Variants in C17orf78 observed in about 807,000 individuals in gnomAD.
C17orf78 encodes chromosome 17 open reading frame 78.
In C17orf78, 27 loss-of-function variants were observed where a neutral mutation model predicts 31.8. The observed-to-expected ratio is 0.85, with a 90% CI of 0.63 to 1.17. The LOEUF (loss-of-function observed/expected upper bound fraction) is 1.17, where lower values mean the gene tolerates loss of function less well. Among genes scored for constraint, C17orf78 ranks in the 50% most tolerant of loss-of-function variants. C17orf78 has a pLI of 0.00. For missense variants in C17orf78, 258 were observed against 315.2 expected, an observed-to-expected ratio of 0.82 and a Z score of 1.37; for synonymous variants, 106 against 115.1, an observed-to-expected ratio of 0.92 and a Z score of 0.51.
At position 37,377,694 on chromosome 17, in the gene C17orf78, TAAATAAATAAAA is replaced by T. The variant is rs1346508288; in HGVS notation, c.59-184_59-173del. 7.3e-5 allele frequency among the ~76,000 whole-genome samples: 11 copies of T among 150,802 alleles called. No homozygotes were observed. In the East Asian group the frequency reaches 2.1e-3, roughly 29 times the overall value. ...ATAAATAAATAAATAAATAAATAAA[TAAATAAATAAAA>T]GTAAAGTCTTTTTAGAGAGTGTTTG... is the stretch of plus-strand genomic sequence containing the variant. On this transcript the variant is annotated intron_variant, in intron 1 of 6. Coordinates refer to ENST00000615133, the MANE Select transcript of C17orf78 (RefSeq NM_173625.5).
chr17:37,384,037 G>A (rs941823888), intron 3 of C17orf78, among the ~76,000 whole-genome samples: 11 of 152,108 alleles, frequency 7.2e-5, no homozygotes, highest in East Asian at 5.8e-4. Flanking sequence ...AGCCCGAGGC[G>A]GGCAGAACAT....
At chr17:37,385,864 G>C in intron 3 of C17orf78, 145 bp from the exon 4 acceptor site, 1 of 540,156 alleles carries the variant, frequency 1.9e-6, no homozygotes. Context: ...ATTATTTTGT[G>C]CTCACACCCT....
At position 37,389,777 on chromosome 17, in the gene C17orf78, A is replaced by AT. The variant is rs529306795; in HGVS notation, c.750+423dup. ...GTCCCTAAGAGGACTGTGAAAAAAT[A>AT]TTTTTTTTAATGTGCTGGGAACAGG... On this transcript the variant is annotated intron_variant, in intron 6 of 6. Coordinates refer to ENST00000615133, the MANE Select transcript of C17orf78 (RefSeq NM_173625.5). Among the ~76,000 whole-genome samples the AT allele has an allele frequency of 5.2e-4, 79 of 151,816 alleles. No individual in the cohort carries two copies. The Middle Eastern group carries it at 0.01, about 20-fold the overall frequency.
intron 3 of C17orf78, among the ~76,000 whole-genome samples, chr17:37,384,563 A>T (rs1418550418): frequency 1.6e-5 from 2 of 123,598 alleles, no homozygotes; most frequent in Non-Finnish European, 3.9e-5. Flanking sequence ...CTTACAGATT[A>T]AAAAAAAAAA....
rs566497247 is a variant in C17orf78, at chr17:37,384,265, C to G, written c.392-1744C>G. On this transcript the variant is annotated intron_variant, in intron 3 of 6. Coordinates refer to ENST00000615133, the MANE Select transcript of C17orf78 (RefSeq NM_173625.5). ...GTGAGAATGTTCTGCAATACAAATG[C>G]TCATCAGAAGATGTGGGTCAACATG... 3.3e-5 allele frequency among the ~76,000 whole-genome samples: 5 copies of G among 152,240 alleles called. No homozygotes were observed. In the South Asian group the frequency reaches 8.3e-4, roughly 25 times the overall value.
intron 6 of C17orf78, among the ~76,000 whole-genome samples, chr17:37,390,194 TA>T (rs1462757364): frequency 1.4e-4 from 11 of 76,212 alleles, no homozygotes; most frequent in Non-Finnish European, 2.3e-4. Flanking sequence ...ACATTATATA[TA>T]AATATATATA....
chr17:37,391,637 C>T lies in C17orf78; in HGVS notation c.751-10C>T. 1 of 1,612,534 alleles carries T rather than the reference C, an allele frequency of 6.2e-7. No individual in the cohort carries two copies. Among genetic ancestry groups the T allele is most frequent in the Non-Finnish European group, 8.5e-7 (1 of 1,178,702 alleles). On this transcript the variant is annotated splice_polypyrimidine_tract_variant and intron_variant, in intron 6 of 6. Transcript: ENST00000615133. Reference sequence around the variant, plus strand: ...CTTTTTTAACTTTCATATTTCCTTTCAATCTCTAGGTTGGACAAGATGCTG... The same window carrying T: ...CTTTTTTAACTTTCATATTTCCTTTTAATCTCTAGGTTGGACAAGATGCTG...
chr17:37,382,581 G>A (rs533181150), intron 3 of C17orf78, among the ~76,000 whole-genome samples: 23 of 152,220 alleles, frequency 1.5e-4, no homozygotes, highest in East Asian at 5.8e-4. Flanking sequence ...ACTCAAAAGC[G>A]TCAGGTGCGG....
intron 2 of C17orf78, among the ~76,000 whole-genome samples, chr17:37,378,306 A>C (rs1195427577): frequency 6.6e-6 from 1 of 152,246 alleles, no homozygotes; most frequent in Non-Finnish European, 1.5e-5. Flanking sequence ...GGACTTGTCT[A>C]TTAGTACTAT....
chr17:37,376,264 C>A, intron 1 of C17orf78, 114 bp downstream of exon 1: 1 of 858,980 alleles, frequency 1.2e-6, no homozygotes, highest in Non-Finnish European at 1.9e-6. Flanking sequence ...GCAATACTTT[C>A]CAGAGTTAAT....
Position 37,381,626 on chromosome 17 carries a change from CTT to C in C17orf78, c.391+2262_391+2263del, listed in dbSNP as rs550853752. Among the ~76,000 whole-genome samples, 747 of 125,804 alleles carry C rather than the reference CTT, an allele frequency of 5.9e-3. 3 individuals are homozygous for C. The highest frequency in any genetic ancestry group is 0.021 in the African/African-American group (706 of 34,096). 82.5% of individuals were successfully genotyped at this position (125,804 alleles called of 152,430 possible). A position where few individuals can be genotyped will look rare whatever the true frequency, so the allele number is the denominator to read the frequency against. ...TTCCATAGTATGTCTCTTCCATAGT[CTT>C]TTTTTTTTTTTTTTTTTGAGACAGA... On this transcript the variant is annotated intron_variant, in intron 3 of 6. Coordinates refer to ENST00000615133, the MANE Select transcript of C17orf78 (RefSeq NM_173625.5).
intron 6 of C17orf78, 96 bp from the exon 7 acceptor site, chr17:37,391,551 C>A: frequency 9.5e-7 from 1 of 1,056,108 alleles, no homozygotes; most frequent in Non-Finnish European, 1.5e-6. Flanking sequence ...CTTGGAATTA[C>A]ATGGGGTTTT....
chr17:37,385,607 C>T (rs545390655), intron 3 of C17orf78, among the ~76,000 whole-genome samples: 1 of 152,294 alleles, frequency 6.6e-6, no homozygotes, highest in Non-Finnish European at 1.5e-5. Context: ...GACACACTTG[C>T]AGCAGTCATT....
At chr17:37,385,952 C>A (rs1000054688) in intron 3 of C17orf78, 57 bp from the exon 4 acceptor site, 1 of 1,222,148 alleles carries the variant, frequency 8.2e-7, no homozygotes. Flanking sequence ...TCAGATAAAA[C>A]CAAAGGCAGG....
At chr17:37,391,081 A>G (rs2050862884) in intron 6 of C17orf78, among the ~76,000 whole-genome samples, 1 of 152,078 alleles carries the variant, frequency 6.6e-6, no homozygotes, top group South Asian at 2.1e-4. Flanking sequence ...AACTAAAAAT[A>G]CAAAAAATTA....
intron 4 of C17orf78, 73 bp from the exon 5 acceptor site, chr17:37,388,597 C>G (rs1040054663): frequency 6.6e-7 from 1 of 1,507,218 alleles, no homozygotes. Context: ...AGAAGAACTT[C>G]AGGTCAAAGG....
chr17:37,388,140 T>G (rs1345182592), intron 4 of C17orf78, among the ~76,000 whole-genome samples: 3 of 152,078 alleles, frequency 2.0e-5, no homozygotes. Flanking sequence ...ATGCCAGTCT[T>G]GAGTGCCAGA....
Position 37,391,979 on chromosome 17 carries a change from A to G in C17orf78, c.*255A>G, listed in dbSNP as rs2050904049. On this transcript the variant is annotated 3_prime_UTR_variant, in exon 7 of 7. Coordinates refer to ENST00000615133, the MANE Select transcript of C17orf78 (RefSeq NM_173625.5). ...TTTCCATCCCCTCAAACGAGAACAAAAAGTATTCCCTGCAAGCACTATGAA... is the reference window on the plus strand; with the variant it reads ...TTTCCATCCCCTCAAACGAGAACAAGAAGTATTCCCTGCAAGCACTATGAA... The G allele has an allele frequency of 2.0e-6, 1 of 497,696 alleles. No individual in the cohort carries two copies. The highest frequency in any genetic ancestry group is 3.3e-5 in the South Asian group (1 of 29,926). 30.8% of individuals were successfully genotyped at this position (497,696 alleles called of 1,614,324 possible). A position where few individuals can be genotyped will look rare whatever the true frequency, so the allele number is the denominator to read the frequency against.
At chr17:37,390,175 T>TATATATATATACACACACACAC (rs60788220) in intron 6 of C17orf78, among the ~76,000 whole-genome samples, 1 of 44,512 alleles carries the variant, frequency 2.2e-5, no homozygotes, top group African/African-American at 1.2e-4. Flanking sequence ...TATATATATA[T>TATATATATATACACACACACAC]ACACACACAC....
Sources: gnomAD v4.1 joint callset for allele counts (sites outside exome capture counted in the v4.1 genomes callset) on GRCh38, gnomAD v4.1.1 for gene constraint, MANE v1.5 for transcripts, NCBI Gene and HGNC (gene_info 2026-07-23, HGNC 2026-07-21) for gene names.